LRSAM1: variants seen among roughly 807,000 people sequenced by gnomAD.
The protein encoded by LRSAM1 is leucine rich repeat and sterile alpha motif containing 1.
Under a neutral mutation model 118.1 loss-of-function variants are expected in LRSAM1, and 96 were observed. That is an observed-to-expected ratio of 0.81 (90% CI 0.69 to 0.96). The LOEUF is 0.96. Among genes scored for constraint, LRSAM1 ranks in the 40% least tolerant of loss-of-function variants. The pLI, the probability that LRSAM1 is intolerant of heterozygous loss-of-function variation, is 0.00. For synonymous variants in LRSAM1, 322 were observed against 364.2 expected (o/e 0.88, Z 1.32); for missense variants, 804 against 915.5 (o/e 0.88, Z 1.57).
In LRSAM1 at chr9:127,462,100, G is replaced by A; in HGVS notation, c.407-152G>A. The A allele has an allele frequency of 4.7e-6, 5 of 1,067,704 alleles. No individual in the cohort carries two copies. In the South Asian group the frequency reaches 7.9e-5, roughly 17 times the overall value. The allele number at this position is 1,067,704 out of a possible 1,614,324, so 66.1% of individuals were successfully genotyped here. Reference sequence around the variant, plus strand: ...CTAGTAATTGGTGGAGTGGGGACTTGAACTGGAACTCCACCTTCTTGAGCC... The same window carrying A: ...CTAGTAATTGGTGGAGTGGGGACTTAAACTGGAACTCCACCTTCTTGAGCC... On this transcript the variant is annotated intron_variant, in intron 8 of 25. Transcript: ENST00000300417.
chr9:127,470,997 G>C (rs1835145360), intron 10 of LRSAM1: 1 of 151,970 alleles, frequency 6.6e-6, no homozygotes, highest in African/African-American at 2.4e-5. Context: ...AAAAAAGAGA[G>C]AGAAAGATTT....
chr9:127,498,343 G>T (rs1268935221), intron 24 of LRSAM1, among the ~76,000 whole-genome samples: 3 of 152,224 alleles, frequency 2.0e-5, no homozygotes, highest in Non-Finnish European at 2.9e-5. Context: ...GCCCCTTCTG[G>T]ATGTTCCTGA....
At position 127,495,854 on chromosome 9, in the gene LRSAM1, C is replaced by T. The variant is rs371308201; in HGVS notation, c.1699-110C>T. 2.2e-4 allele frequency: 325 copies of T among 1,489,362 alleles called. 1 individual carries two copies. Among genetic ancestry groups the T allele is most frequent in the East Asian group, 3.7e-4 (15 of 40,640 alleles). 92.3% of individuals were successfully genotyped at this position (1,489,362 alleles called of 1,614,324 possible). On this transcript the variant is annotated intron_variant, in intron 22 of 25. Coordinates refer to ENST00000300417, the MANE Select transcript of LRSAM1 (RefSeq NM_001005373.4). ...CTATGAGTTTTTGTAGGAAAAATCCCGAGTACATTCTATGTATTATGTTAT... is the reference window on the plus strand; with the variant it reads ...CTATGAGTTTTTGTAGGAAAAATCCTGAGTACATTCTATGTATTATGTTAT...
intron 25 of LRSAM1, among the ~76,000 whole-genome samples, chr9:127,501,695 G>T (rs746177578): frequency 2.6e-5 from 4 of 152,168 alleles, no homozygotes; most frequent in African/African-American, 4.8e-5. Context: ...TCCCACCACT[G>T]CACTCCAGCC....
intron 24 of LRSAM1, among the ~76,000 whole-genome samples, chr9:127,498,855 T>C (rs913097345): frequency 6.6e-6 from 1 of 151,878 alleles, no homozygotes. Flanking sequence ...GGTCAGGAGT[T>C]CGAGACCAGC....
intron 8 of LRSAM1, among the ~76,000 whole-genome samples, chr9:127,461,702 G>C (rs1834753801): frequency 6.6e-6 from 1 of 152,204 alleles, no homozygotes; most frequent in Non-Finnish European, 1.5e-5. Flanking sequence ...CAAGGCCCGG[G>C]AAATCAAGTG....
Position 127,487,674 on chromosome 9 carries a change from A to G in LRSAM1, c.1260-2A>G. 1 of 1,613,356 alleles carries G rather than the reference A, an allele frequency of 6.2e-7. No homozygotes were observed. Among genetic ancestry groups the G allele is most frequent in the African/African-American group, 1.3e-5 (1 of 75,060 alleles). ...TGAATGAATTTGCTGTCTTTCTGGC[A>G]GCATGGCCGAAATGGATGAACGATT... On this transcript the variant is annotated splice_acceptor_variant, in intron 17 of 25. Transcript: ENST00000300417. LOFTEE classifies it high-confidence loss of function.
chr9:127,496,002 G>A lies in LRSAM1; in HGVS notation c.1737G>A (p.Glu579=), dbSNP rs1836124922. 6.2e-7 allele frequency: 1 copy of A among 1,612,762 alleles called. No homozygotes were observed. Among genetic ancestry groups the A allele is most frequent in the African/African-American group, 1.3e-5 (1 of 74,946 alleles). ...GMERQLVALL[E]ELSAEHYLPI... is the part of the protein sequence containing the mutation. ...AGCGCCAGCTGGTGGCCCTCCTGGA[G>A]GAGCTGTCGGCTGAGCACTACCTGC... The change falls in exon 23 of 26, where the codon GAG becomes GAA. Residue 579 remains glutamate, a synonymous_variant. Transcript: ENST00000300417.
rs558625626 is a variant in LRSAM1 at position 127,460,459 on chromosome 9, G to A, written c.322-714G>A. 3.3e-5 allele frequency among the ~76,000 whole-genome samples: 5 copies of A among 152,350 alleles called. No homozygotes were observed. In the South Asian group the frequency reaches 1.0e-3, roughly 32 times the overall value. ...GCCTTGGGTGGATCACACGGCCTTA[G>A]GGCAGCCTTTTCCTTAAGGCCAGGG... On this transcript the variant is annotated intron_variant, in intron 7 of 25. Coordinates refer to ENST00000300417, the MANE Select transcript of LRSAM1 (RefSeq NM_001005373.4).
At position 127,484,810 on chromosome 9, in the gene LRSAM1, CT is replaced by C. The variant is rs1376461812; in HGVS notation, c.1160-910del. 3.1e-3 allele frequency among the ~76,000 whole-genome samples: 425 copies of C among 135,162 alleles called. 3 individuals carry two copies. Among genetic ancestry groups the C allele is most frequent in the Admixed American group, 0.016 (204 of 12,982 alleles). 88.7% of individuals were successfully genotyped at this position (135,162 alleles called of 152,430 possible). Reference sequence around the variant, plus strand: ...TTAATTTTTTGATTTTTCTTTTTTTCTTTTTTTTTTTTTTTTGAGATAGGGT... The same window carrying C: ...TTAATTTTTTGATTTTTCTTTTTTTCTTTTTTTTTTTTTTTGAGATAGGGT... On this transcript the variant is annotated intron_variant, in intron 16 of 25. Transcript: ENST00000300417.
intron 10 of LRSAM1, among the ~76,000 whole-genome samples, chr9:127,472,216 T>G (rs1835197689): frequency 6.6e-6 from 1 of 151,270 alleles, no homozygotes; most frequent in Non-Finnish European, 1.5e-5. Context: ...CGCCTCAGCC[T>G]CCCAAAATGC....
intron 19 of LRSAM1, among the ~76,000 whole-genome samples, chr9:127,489,875 C>T (rs1321559120): frequency 6.6e-6 from 1 of 152,242 alleles, no homozygotes; most frequent in Non-Finnish European, 1.5e-5. Flanking sequence ...AAGCAGCCGG[C>T]GCAGGCCCCA....
chr9:127,492,679 A>T lies in LRSAM1; in HGVS notation c.1504-123A>T, dbSNP rs1835973607. 10 of 853,342 alleles carry T rather than the reference A, an allele frequency of 1.2e-5. No individual in the cohort carries two copies. In the South Asian group the frequency reaches 1.4e-4, roughly 12 times the overall value. The allele number at this position is 853,342 out of a possible 1,614,324, so 52.9% of individuals were successfully genotyped here. ...GCCTCTTAGCTTTGTCCCCCAACGC[A>T]GCCTGGAGGCATTGGGCAGAGAACC... On this transcript the variant is annotated intron_variant, in intron 20 of 25. Transcript: ENST00000300417.
At chr9:127,466,504 ATTTTTT>A (rs869115663) in intron 9 of LRSAM1, among the ~76,000 whole-genome samples, 89 of 24,400 alleles carry the variant, frequency 3.6e-3, no homozygotes, top group African/African-American at 0.013. Context: ...ATATATATAT[ATTTTTT>A]TTTTTTTTTT....
At chr9:127,498,405 G>A (rs1564284553) in intron 24 of LRSAM1, among the ~76,000 whole-genome samples, 1 of 152,202 alleles carries the variant, frequency 6.6e-6, no homozygotes, top group Non-Finnish European at 1.5e-5. Flanking sequence ...AGGAGTTGGG[G>A]TCACCCCCGG....
In LRSAM1 at chr9:127,455,619, A is replaced by T. The variant is rs1235938569; in HGVS notation, c.173A>T (p.Lys58Met). 1.2e-6 allele frequency: 2 copies of T among 1,613,598 alleles called. No individual in the cohort carries two copies. Among genetic ancestry groups the T allele is most frequent in the Non-Finnish European group, 1.7e-6 (2 of 1,180,008 alleles). The change falls in exon 5 of 26, where the codon AAG becomes ATG. Residue 58 changes from lysine to methionine, a missense_variant and splice_region_variant. Coordinates refer to ENST00000300417, the MANE Select transcript of LRSAM1 (RefSeq NM_001005373.4). Reference protein sequence around the residue: ...AFATCKVLQKKVLIVHTNHLT... With the variant: ...AFATCKVLQKMVLIVHTNHLT... ...GCAACATGCAAAGTTCTGCAGAAGA[A>T]GGTAAGATGGAGCTTCATCTTCAGA...
chr9:127,466,738 G>T (rs928724702), intron 9 of LRSAM1, among the ~76,000 whole-genome samples: 7 of 151,532 alleles, frequency 4.6e-5, no homozygotes, highest in Non-Finnish European at 1.0e-4. Flanking sequence ...GAGAGGCTGG[G>T]TGTATGACTC....
chr9:127,452,033 C>T lies in LRSAM1; in HGVS notation c.-84C>T, dbSNP rs1247038720. ...GCCCTCCGAGTGATCGGCCTGCCCT[C>T]GGGTGCACCCGCGGGTCCCAACGTG... is the stretch of plus-strand genomic sequence containing the variant. On this transcript the variant is annotated 5_prime_UTR_variant, in exon 2 of 26. Coordinates refer to ENST00000300417, the MANE Select transcript of LRSAM1 (RefSeq NM_001005373.4). 1 of 152,212 alleles carries T rather than the reference C, an allele frequency of 6.6e-6. No individual in the cohort carries two copies. The allele number at this position is 152,212 out of a possible 1,614,324, so 9.4% of individuals were successfully genotyped here.
Position 127,491,195 on chromosome 9 carries a change from CT to C in LRSAM1, c.1423-19del. On this transcript the variant is annotated intron_variant, in intron 19 of 25. Transcript: ENST00000300417. ...TGGTTAATGTGAGTAAAAAAAAACC[CT>C]GTCTCGTCTTCTGTTTAGATTAAGT... The C allele has an allele frequency of 1.2e-6, 2 of 1,607,622 alleles. No individual in the cohort carries two copies. The highest frequency in any genetic ancestry group is 2.2e-5 in the East Asian group (1 of 44,860).
Sources: gnomAD v4.1 joint callset for allele counts (sites outside exome capture counted in the v4.1 genomes callset) on GRCh38, gnomAD v4.1.1 for gene constraint, MANE v1.5 for transcripts, NCBI Gene and HGNC (gene_info 2026-07-23, HGNC 2026-07-21) for gene names.